CEP295: variants seen among roughly 807,000 people sequenced by gnomAD.
CEP295 encodes centrosomal protein of 295 kDa.
Under a neutral mutation model 291.6 loss-of-function variants are expected in CEP295, and 190 were observed. That is an observed-to-expected ratio of 0.65 (90% CI 0.58 to 0.73). CEP295 has a LOEUF of 0.73. CEP295 is among the 30% of genes least tolerant of loss of function. The probability of loss-of-function intolerance (pLI) is 0.00; values close to 1 mark genes in which losing one functional copy is unlikely to be tolerated. For missense variants in CEP295, 2,863 were observed against 2,949.4 expected, an observed-to-expected ratio of 0.97 and a Z score of 0.68; for synonymous variants, 993 against 1,038.8, an observed-to-expected ratio of 0.96 and a Z score of 0.85.
intron 9 of CEP295, among the ~76,000 whole-genome samples, chr11:93,685,307 G>A (rs764167655): frequency 2.6e-5 from 4 of 152,052 alleles, no homozygotes; most frequent in African/African-American, 9.7e-5. Context: ...CCAACTTTAT[G>A]TAGGCCTCCT....
chr11:93,723,073 C>G lies in CEP295; in HGVS notation c.5980C>G (p.Gln1994Glu). ...SFSEHMDDSKQESTTSKEEET... is the reference protein window; with the variant it reads ...SFSEHMDDSKEESTTSKEEET... ...TTCAGAGCACATGGATGATAGCAAG[C>G]AAGAATCTACCACCAGTAAAGAAGA... The change falls in exon 21 of 30, where the codon CAA (glutamine) becomes GAA (glutamate). Residue 1994 changes from glutamine to glutamate, a missense_variant. By Grantham distance (29) the Gln-to-Glu change is conservative. Transcript: ENST00000325212. The G allele has an allele frequency of 6.4e-7, 1 of 1,550,982 alleles. No homozygotes were observed.
chr11:93,724,358 AAC>A lies in CEP295; in HGVS notation c.6303_6304del (p.Asn2101LysfsTer12). On this transcript the variant is annotated frameshift_variant, in exon 22 of 30. Coordinates refer to ENST00000325212, the MANE Select transcript of CEP295 (RefSeq NM_033395.2). LOFTEE classifies it high-confidence loss of function. ...SSSSSGISPD[N>X]RDFYQRSDSS... ...ATCATCCTCTGGGATTTCTCCAGAC[AAC>A]AGAGACTTTTACCAGGTATATTAAA... is the stretch of plus-strand genomic sequence containing the variant. 1 of 1,550,172 alleles carries A rather than the reference AAC, an allele frequency of 6.5e-7. No homozygotes were observed. The highest frequency in any genetic ancestry group is 8.7e-7 in the Non-Finnish European group (1 of 1,145,678).
intron 10 of CEP295, 86 bp downstream of exon 10, chr11:93,687,951 G>A (rs541505631): frequency 1.6e-5 from 14 of 890,530 alleles, no homozygotes; most frequent in Middle Eastern, 2.3e-4. Flanking sequence ...AAAGAATAGA[G>A]GTTAAAAGGA....
rs555810886 is a variant in CEP295 at position 93,673,705 on chromosome 11, C to T, written c.529-1866C>T. Reference sequence around the variant, plus strand: ...AAGGGGTTTCTCCATGTTGGTCAGGCTGGTCTCAAACTCCTGACATCAAGT... The same window carrying T: ...AAGGGGTTTCTCCATGTTGGTCAGGTTGGTCTCAAACTCCTGACATCAAGT... On this transcript the variant is annotated intron_variant, in intron 5 of 29. Transcript: ENST00000325212. 3.3e-5 allele frequency among the ~76,000 whole-genome samples: 5 copies of T among 152,132 alleles called. No individual in the cohort carries two copies. In the South Asian group the frequency reaches 8.3e-4, roughly 25 times the overall value.
chr11:93,679,373 C>T (rs988027116), intron 6 of CEP295, 39 bp from the exon 7 acceptor site: 5 of 1,527,290 alleles, frequency 3.3e-6, no homozygotes, highest in East Asian at 2.5e-5. Context: ...TTGTCTCACA[C>T]TTTAAAAATT....
chr11:93,684,168 GA>G lies in CEP295; in HGVS notation c.1114+50del, dbSNP rs755153826. 1,494 of 1,341,498 alleles carry G rather than the reference GA, an allele frequency of 1.1e-3. 1 individual carries two copies. The highest frequency in any genetic ancestry group is 2.0e-3 in the Admixed American group (74 of 37,236). 83.1% of individuals were successfully genotyped at this position (1,341,498 alleles called of 1,614,324 possible). A position where few individuals can be genotyped will look rare whatever the true frequency, so the allele number is the denominator to read the frequency against. On this transcript the variant is annotated intron_variant, in intron 9 of 29. Transcript: ENST00000325212. ...GAGCTAAATATTACAGTATTTCACA[GA>G]AAAAAAAAATGCTAACCATTAGCCA...
chr11:93,680,563 A>G (rs974179885), intron 7 of CEP295, among the ~76,000 whole-genome samples: 3 of 152,142 alleles, frequency 2.0e-5, no homozygotes, highest in Admixed American at 6.6e-5. Context: ...AGGTAGGAGG[A>G]TTGCTTGAGC....
At chr11:93,725,404 T>C (rs900920182) in intron 22 of CEP295, among the ~76,000 whole-genome samples, 2 of 152,236 alleles carry the variant, frequency 1.3e-5, no homozygotes, top group African/African-American at 4.8e-5. Flanking sequence ...AAATTTAAAG[T>C]ATCCTCCTAC....
chr11:93,669,900 A>T lies in CEP295; in HGVS notation c.528+130A>T, dbSNP rs866514652. The T allele has an allele frequency of 2.6e-4, 160 of 604,384 alleles. 1 individual carries two copies. Among genetic ancestry groups the T allele is most frequent in the Middle Eastern group, 2.6e-3 (9 of 3,478 alleles). 37.4% of individuals were successfully genotyped at this position (604,384 alleles called of 1,614,324 possible). On this transcript the variant is annotated intron_variant, in intron 5 of 29. Coordinates refer to ENST00000325212, the MANE Select transcript of CEP295 (RefSeq NM_033395.2). ...TTGTACAATTAAAAACTTGTACAGGAGTATATCTGGAGTATGTTAAAATAA... is the reference window on the plus strand; with the variant it reads ...TTGTACAATTAAAAACTTGTACAGGTGTATATCTGGAGTATGTTAAAATAA...
chr11:93,691,716 G>T lies in CEP295; in HGVS notation c.1370G>T (p.Gly457Val). 1 of 1,547,060 alleles carries T rather than the reference G, an allele frequency of 6.5e-7. No homozygotes were observed. Among genetic ancestry groups the T allele is most frequent in the South Asian group, 1.2e-5 (1 of 82,872 alleles). The change falls in exon 11 of 30, where the codon GGA (glycine) becomes GTA (valine). Residue 457 changes from glycine (G) to valine (V), a missense_variant. Physicochemically the swap from Gly to Val is moderately radical, Grantham distance 109. This residue lies in a region of CEP295 where 554 missense variants were observed against 576.0 expected (regional missense o/e 0.96). Transcript: ENST00000325212. ...AGTGATACACTAACAATTGAGTCTG[G>T]ACCACTTGCTAGTGAAGATAAACCA... ...VESDTLTIES[G>V]PLASEDKPLS... is the part of the protein sequence containing the mutation.
intron 6 of CEP295, among the ~76,000 whole-genome samples, chr11:93,676,246 T>C (rs1259702765): frequency 6.6e-6 from 1 of 152,028 alleles, no homozygotes; most frequent in Non-Finnish European, 1.5e-5. Context: ...TGTGTAACAT[T>C]TGATACAGAT....
At chr11:93,696,536 C>T (rs1256918092) in intron 14 of CEP295, 119 bp downstream of exon 14, 3 of 1,016,204 alleles carry the variant, frequency 3.0e-6, no homozygotes, top group Admixed American at 5.4e-5. Flanking sequence ...TTAGAACTGC[C>T]ATTCTTAAAG....
rs1565233465 is a variant in CEP295 at position 93,730,254 on chromosome 11, C to T, written c.7791C>T (p.Ala2597=). 2 of 1,549,612 alleles carry T rather than the reference C, an allele frequency of 1.3e-6. No homozygotes were observed. Among genetic ancestry groups the T allele is most frequent in the South Asian group, 2.4e-5 (2 of 83,996 alleles). Residue 2597 remains alanine, a synonymous_variant, in exon 30 of 30, where the codon GCC becomes GCT. Transcript: ENST00000325212. ...AGAAAACACTAGAGAAACTTCGAGC[C>T]AAAAATACATGCTGACTTTCTAGAA... ...FHKKTLEKLR[A]KNTC
At chr11:93,675,497 C>CT (rs1950643753) in intron 5 of CEP295, 74 bp from the exon 6 acceptor site, 3 of 741,470 alleles carry the variant, frequency 4.0e-6, no homozygotes, top group Non-Finnish European at 6.2e-6. Flanking sequence ...TACAAAATTA[C>CT]TTTTTTTGCA....
chr11:93,697,471 G>A lies in CEP295; in HGVS notation c.2559G>A (p.Gln853=). The A allele has an allele frequency of 6.4e-7, 1 of 1,552,032 alleles. No individual in the cohort carries two copies. Among genetic ancestry groups the A allele is most frequent in the Non-Finnish European group, 8.7e-7 (1 of 1,147,054 alleles). The change falls in exon 15 of 30, where the codon CAG becomes CAA. Residue 853 remains glutamine (Q), a synonymous_variant. Transcript: ENST00000325212. Reference sequence around the variant, plus strand: ...GTAATATGAAGGCCCTCCAAGAACAGTTAGACCTACAGAAGAAAGTTCTTC... The same window carrying A: ...GTAATATGAAGGCCCTCCAAGAACAATTAGACCTACAGAAGAAAGTTCTTC... The part of the protein sequence containing the change: ...QQGNMKALQE[Q]LDLQKKVLQA...
rs1433668569 is a variant in CEP295, at chr11:93,667,663, G to A, written c.165G>A (p.Arg55=). 1.3e-6 allele frequency: 2 copies of A among 1,551,456 alleles called. No individual in the cohort carries two copies. The highest frequency in any genetic ancestry group is 1.2e-5 in the South Asian group (1 of 84,042). The change falls in exon 3 of 30, where the codon AGG becomes AGA. Residue 55 remains arginine, a synonymous_variant. Coordinates refer to ENST00000325212, the MANE Select transcript of CEP295 (RefSeq NM_033395.2). ...AGATAAGAGAAGACATAAAACAGAGGAGAAATCAACAATTTACACGTTTGG... is the reference window on the plus strand; with the variant it reads ...AGATAAGAGAAGACATAAAACAGAGAAGAAATCAACAATTTACACGTTTGG... ...ALQIREDIKQ[R]RNQQFTRLAE...
chr11:93,697,687 C>T lies in CEP295; in HGVS notation c.2775C>T (p.Asp925=), dbSNP rs1565181265. 3 of 1,551,756 alleles carry T rather than the reference C, an allele frequency of 1.9e-6. No homozygotes were observed. The highest frequency in any genetic ancestry group is 2.7e-5 in the African/African-American group (2 of 73,172). Residue 925 remains aspartate (D), a synonymous_variant, in exon 15 of 30, where the codon GAC becomes GAT. Transcript: ENST00000325212. ...AGAATAATATTGCAGTTTCCTCAGA[C>T]CATCATGTGATCTCACAACTTCAGG... is the stretch of plus-strand genomic sequence containing the variant. The part of the protein sequence containing the change: ...PTKNNIAVSS[D]HHVISQLQDK...
At chr11:93,713,698 A>T (rs1166909488) in intron 18 of CEP295, among the ~76,000 whole-genome samples, 1 of 151,974 alleles carries the variant, frequency 6.6e-6, no homozygotes, top group Non-Finnish European at 1.5e-5. Context: ...TTGAATATTG[A>T]TATTTTTCGC....
Position 93,727,571 on chromosome 11 carries a change from A to C in CEP295, c.7095A>C (p.Gln2365His), listed in dbSNP as rs1308304890. The part of the protein sequence containing the change: ...DIPKITKKLS[Q>H]LGESELFASS... ...CAAAAATCACCAAAAAACTATCTCA[A>C]CTAGGAGAATCAGAGCTTTTTGCAA... is the stretch of plus-strand genomic sequence containing the variant. The change falls in exon 24 of 30, where the codon CAA becomes CAC. Residue 2365 changes from glutamine (Q) to histidine (H), a missense_variant. Gln to His is a conservative substitution (Grantham distance 24, BLOSUM62 0). Coordinates refer to ENST00000325212, the MANE Select transcript of CEP295 (RefSeq NM_033395.2). 1 of 1,551,128 alleles carries C rather than the reference A, an allele frequency of 6.4e-7. No homozygotes were observed. The highest frequency in any genetic ancestry group is 8.7e-7 in the Non-Finnish European group (1 of 1,146,872).
Sources: gnomAD v4.1 joint callset for allele counts (sites outside exome capture counted in the v4.1 genomes callset) on GRCh38, gnomAD v4.1.1 for gene constraint, gnomAD v4.1.1 regional missense constraint, MANE v1.5 for transcripts, NCBI Gene and HGNC (gene_info 2026-07-23, HGNC 2026-07-21) for gene names.